KRIT1: variants seen among roughly 807,000 people sequenced by gnomAD.
KRIT1 encodes krev interaction trapped protein 1.
In KRIT1, 45 loss-of-function variants were observed where a neutral mutation model predicts 95.8. That is an observed-to-expected ratio of 0.47 (90% confidence interval 0.37 to 0.60). The LOEUF is 0.60. Ranked by LOEUF, KRIT1 falls within the 20% of genes least tolerant of loss-of-function variation. The pLI, the probability that KRIT1 is intolerant of heterozygous loss-of-function variation, is 0.00. For synonymous variants in KRIT1, 282 were observed against 278.8 expected (o/e 1.01, Z -0.11); for missense variants, 788 against 877.5 (o/e 0.90, Z 1.29).
rs771789297 is a variant in KRIT1, at chr7:92,199,782, A to G, written c.*954T>C. 2 of 152,164 alleles carry G rather than the reference A, an allele frequency of 1.3e-5. No individual in the cohort carries two copies. The highest frequency in any genetic ancestry group is 2.9e-5 in the Non-Finnish European group (2 of 68,026). 9.4% of individuals were successfully genotyped at this position (152,164 alleles called of 1,614,324 possible). On this transcript the variant is annotated 3_prime_UTR_variant, in exon 19 of 19. Coordinates refer to ENST00000394505, the MANE Select transcript of KRIT1 (RefSeq NM_194454.3). ...AAAAAGAAAAAACAAAACCAAATTT[A>G]AGTTCACAAGGCCATGCTACTTCCA...
intron 12 of KRIT1, among the ~76,000 whole-genome samples, chr7:92,225,230 T>C (rs1438103417): frequency 6.6e-6 from 1 of 152,238 alleles, no homozygotes; most frequent in Non-Finnish European, 1.5e-5. Flanking sequence ...AAGTTTTATT[T>C]ACTTATTTTT....
chr7:92,235,060 T>C, intron 8 of KRIT1, 137 bp from the exon 9 acceptor site: 1 of 660,894 alleles, frequency 1.5e-6, no homozygotes, highest in Non-Finnish European at 2.7e-6. Context: ...AGTTCAGTGC[T>C]GCGATCTCAG....
rs770622492 is a variant in KRIT1, at chr7:92,235,457, T to A, written c.675A>T (p.Ala225=). ...IKSKMLALEK[A]DTCIYNPLFG... ...ACAAAGGGTTGTAAATACAGGTATC[T>A]GCTTTCTCTAGGGCTAACATTTTAC... The change falls in exon 8 of 19, where the codon GCA becomes GCT. Residue 225 remains alanine, a synonymous_variant. Coordinates refer to ENST00000394505, the MANE Select transcript of KRIT1 (RefSeq NM_194454.3). The A allele has an allele frequency of 1.8e-5, 29 of 1,613,624 alleles. No individual in the cohort carries two copies. The highest frequency in any genetic ancestry group is 2.4e-5 in the Non-Finnish European group (28 of 1,179,624).
At position 92,214,512 on chromosome 7, in the gene KRIT1, A is replaced by C. The variant is rs1398691524; in HGVS notation, c.1730+99T>G. On this transcript the variant is annotated intron_variant, in intron 15 of 18. Transcript: ENST00000394505. Reference sequence around the variant, plus strand: ...TCTTATATTATTTAATTCCAAACCAATGTAATGTATAAATATTTTCTAATA... The same window carrying C: ...TCTTATATTATTTAATTCCAAACCACTGTAATGTATAAATATTTTCTAATA... 3 of 861,052 alleles carry C rather than the reference A, an allele frequency of 3.5e-6. No homozygotes were observed. The Admixed American group carries it at 6.7e-5, about 19-fold the overall frequency. 53.3% of individuals were successfully genotyped at this position (861,052 alleles called of 1,614,324 possible).
intron 3 of KRIT1, among the ~76,000 whole-genome samples, chr7:92,243,028 C>A (rs1800030712): frequency 6.6e-6 from 1 of 152,154 alleles, no homozygotes; most frequent in Non-Finnish European, 1.5e-5. Flanking sequence ...CCATGTTGGC[C>A]AGGCTGGTCT....
rs201207694 is a variant in KRIT1, at chr7:92,213,206, T to G, written c.2014A>C (p.Met672Leu). ...AGCTGAAAATCTACCTTAGTTTCCA[T>G]GTTGAGGAGATGAAGTCCTTTTATA... ...VNIKGLHLLNMETKALLISLK... is the reference protein window; with the variant it reads ...VNIKGLHLLNLETKALLISLK... The change falls in exon 17 of 19, where the codon ATG (methionine) becomes CTG (leucine). Residue 672 changes from methionine (M) to leucine (L), a missense_variant. Physicochemically the swap from Met to Leu is conservative, Grantham distance 15. Coordinates refer to ENST00000394505, the MANE Select transcript of KRIT1 (RefSeq NM_194454.3). 15 of 1,607,776 alleles carry G rather than the reference T, an allele frequency of 9.3e-6. No homozygotes were observed. The highest frequency in any genetic ancestry group is 1.3e-5 in the Non-Finnish European group (15 of 1,174,592).
chr7:92,211,901 T>C (rs1380653594), intron 17 of KRIT1, among the ~76,000 whole-genome samples: 1 of 151,724 alleles, frequency 6.6e-6, no homozygotes, highest in East Asian at 1.9e-4. Context: ...GAGACCAAAC[T>C]GTGCAACATA....
At chr7:92,242,260 TA>T (rs1046120863) in intron 3 of KRIT1, 123 bp from the exon 4 acceptor site, 83 of 664,492 alleles carry the variant, frequency 1.2e-4, no homozygotes, top group South Asian at 1.4e-4. Flanking sequence ...TCGAAAAAAT[TA>T]AAAAAAAATA....
chr7:92,213,913 A>G lies in KRIT1; in HGVS notation c.1797T>C (p.Asn599=). Residue 599 remains asparagine, a synonymous_variant, in exon 16 of 19, where the codon AAT becomes AAC. Coordinates refer to ENST00000394505, the MANE Select transcript of KRIT1 (RefSeq NM_194454.3). ...TTACCTTGTATTCATGAAGTATGCG[A>G]TTTGTCCAGTGAGGTGCCTTACTTT... The part of the protein sequence containing the change: ...KLKSKAPHWT[N]RILHEYKNLS... The G allele has an allele frequency of 1.2e-6, 2 of 1,605,608 alleles. No homozygotes were observed. The highest frequency in any genetic ancestry group is 1.7e-6 in the Non-Finnish European group (2 of 1,172,450).
intron 17 of KRIT1, among the ~76,000 whole-genome samples, chr7:92,207,948 T>C (rs914173301): frequency 2.0e-5 from 3 of 152,060 alleles, no homozygotes; most frequent in Admixed American, 2.0e-4. Context: ...ACACACATTC[T>C]CCAGGATACA....
At position 92,202,153 on chromosome 7, in the gene KRIT1, AAAT is replaced by A. The variant is rs1182292644; in HGVS notation, c.2026-733_2026-731del. On this transcript the variant is annotated intron_variant, in intron 17 of 18. Transcript: ENST00000394505. Reference sequence around the variant, plus strand: ...TACTTCAACAATCTCATCCCACTGAAAATAAGTACACTGATATATTTATTATAA... The same window carrying A: ...TACTTCAACAATCTCATCCCACTGAAAAGTACACTGATATATTTATTATAA... The A allele has an allele frequency of 2.0e-5, 3 of 152,230 alleles. No individual in the cohort carries two copies. In the East Asian group the frequency reaches 5.8e-4, roughly 29 times the overall value. 9.4% of individuals were successfully genotyped at this position (152,230 alleles called of 1,614,324 possible).
chr7:92,241,593 C>A (rs1013835204), intron 4 of KRIT1, among the ~76,000 whole-genome samples: 3 of 152,002 alleles, frequency 2.0e-5, no homozygotes, highest in Non-Finnish European at 4.4e-5. Flanking sequence ...TATATGTTTA[C>A]TAATAAATAC....
intron 10 of KRIT1, among the ~76,000 whole-genome samples, chr7:92,233,745 T>C (rs1584965885): frequency 6.6e-6 from 1 of 152,286 alleles, no homozygotes; most frequent in Non-Finnish European, 1.5e-5. Flanking sequence ...CTTTAAACAA[T>C]AGGTGAAGAG....
At chr7:92,217,922 TTC>T (rs1415051982) in intron 14 of KRIT1, among the ~76,000 whole-genome samples, 2 of 152,194 alleles carry the variant, frequency 1.3e-5, no homozygotes, top group Non-Finnish European at 2.9e-5. Flanking sequence ...GCTCATTATT[TTC>T]TGTTTTGTTT....
At chr7:92,241,206 G>C in intron 4 of KRIT1, 54 bp from the exon 5 acceptor site, 1 of 1,279,894 alleles carries the variant, frequency 7.8e-7, no homozygotes, top group Non-Finnish European at 1.1e-6. Flanking sequence ...ACTTGCCCTA[G>C]AATACTACAA....
At chr7:92,218,219 T>TA (rs372159184) in intron 14 of KRIT1, among the ~76,000 whole-genome samples, 11 of 150,382 alleles carry the variant, frequency 7.3e-5, no homozygotes, top group East Asian at 1.9e-4. Flanking sequence ...GCCAGGCTAT[T>TA]AAAAAAAAAC....
intron 12 of KRIT1, among the ~76,000 whole-genome samples, chr7:92,224,649 T>G (rs1447353979): frequency 6.6e-6 from 1 of 152,182 alleles, no homozygotes; most frequent in Non-Finnish European, 1.5e-5. Context: ...ATTTATGAGT[T>G]TATTTCCAGT....
chr7:92,214,296 A>C (rs747132188), intron 15 of KRIT1, among the ~76,000 whole-genome samples: 3 of 152,120 alleles, frequency 2.0e-5, no homozygotes, highest in Non-Finnish European at 4.4e-5. Context: ...TTATGGTGGG[A>C]TTCTTAAGTA....
At chr7:92,233,950 T>C (rs894686338) in intron 10 of KRIT1, among the ~76,000 whole-genome samples, 1 of 152,186 alleles carries the variant, frequency 6.6e-6, no homozygotes, top group Non-Finnish European at 1.5e-5. Flanking sequence ...GTCCCAACAC[T>C]AGTATCTAAC....
Sources: allele counts gnomAD v4.1 joint callset (sites outside exome capture counted in the v4.1 genomes callset), GRCh38; gene constraint gnomAD v4.1.1; transcripts MANE v1.5; gene names NCBI Gene and HGNC (gene_info 2026-07-23, HGNC 2026-07-21).